LPP: variants seen among roughly 807,000 people sequenced by gnomAD.
LPP encodes the protein lipoma-preferred partner.
LPP carries 38 observed loss-of-function variants against 60.4 expected under a neutral mutation model. The observed-to-expected ratio is 0.63, with a 90% CI of 0.49 to 0.83. The LOEUF is 0.83. Among genes scored for constraint, LPP ranks in the 40% least tolerant of loss-of-function variants. LPP has a pLI of 0.00. For synonymous variants in LPP, 328 were observed against 290.8 expected (o/e 1.13, Z -1.30); for missense variants, 902 against 783.6 (o/e 1.15, Z -1.80).
At chr3:188,175,607 GA>G (rs1402938517) in intron 1 of LPP, among the ~76,000 whole-genome samples, 1 of 152,140 alleles carries the variant, frequency 6.6e-6, no homozygotes, top group Non-Finnish European at 1.5e-5. Context: ...TAAGGACCAA[GA>G]AAGAAAAGGT....
At chr3:188,165,277 AG>A (rs974092540) in intron 1 of LPP, among the ~76,000 whole-genome samples, 3 of 151,354 alleles carry the variant, frequency 2.0e-5, no homozygotes, top group Admixed American at 1.3e-4. Context: ...TCTGTCTGTC[AG>A]GAAAAAAAAA....
intron 5 of LPP, 136 bp downstream of exon 5, chr3:188,484,840 T>G (rs986985929): frequency 4.8e-6 from 3 of 630,614 alleles, no homozygotes; most frequent in Admixed American, 2.8e-5. Flanking sequence ...ATTGAGAGCT[T>G]TACAACTTAT....
chr3:188,621,523 G>A (rs774515233), intron 7 of LPP, among the ~76,000 whole-genome samples: 6 of 152,084 alleles, frequency 3.9e-5, no homozygotes, highest in Non-Finnish European at 8.8e-5. Context: ...TGACTGCACA[G>A]TATTTCATAG....
At chr3:188,607,246 T>C (rs1460485164) in intron 6 of LPP, among the ~76,000 whole-genome samples, 1 of 150,928 alleles carries the variant, frequency 6.6e-6, no homozygotes, top group Non-Finnish European at 1.5e-5. Flanking sequence ...AGGAAATACC[T>C]CACTATTAGA....
intron 4 of LPP, among the ~76,000 whole-genome samples, chr3:188,451,006 G>A (rs924536100): frequency 1.5e-4 from 23 of 152,058 alleles, no homozygotes; most frequent in African/African-American, 4.1e-4. Flanking sequence ...CTTGATCATA[G>A]TGCATTTTAA....
chr3:188,772,158 C>T (rs1736239640), intron 9 of LPP, among the ~76,000 whole-genome samples: 1 of 152,154 alleles, frequency 6.6e-6, no homozygotes, highest in Non-Finnish European at 1.5e-5. Context: ...TCTTATCTCC[C>T]ATCAGCTCTC....
rs1853517090 is a variant in LPP at position 188,657,319 on chromosome 3, G to GTTTCAC, written c.1113+47479_1113+47484dup. Among the ~76,000 whole-genome samples, 3 of 130,920 alleles carry GTTTCAC rather than the reference G, an allele frequency of 2.3e-5. No homozygotes were observed. The South Asian group carries it at 7.7e-4, about 34-fold the overall frequency. The allele number at this position is 130,920 out of a possible 152,430, so 85.9% of individuals were successfully genotyped here. A position where few individuals can be genotyped will look rare whatever the true frequency, so the allele number is the denominator to read the frequency against. ...ATAGTATAGTACATTTACTACAGTT[G>GTTTCAC]TTTCACTTTGATATGGATAAAAAAT... On this transcript the variant is annotated intron_variant, in intron 7 of 11. Transcript: ENST00000617246.
At chr3:188,423,253 T>C (rs566993394) in intron 4 of LPP, among the ~76,000 whole-genome samples, 1 of 152,268 alleles carries the variant, frequency 6.6e-6, no homozygotes, top group Admixed American at 6.5e-5. Context: ...TCCAGCTTCA[T>C]CCATGTCCCT....
At chr3:188,706,105 AGCT>A in intron 7 of LPP, among the ~76,000 whole-genome samples, 1 of 152,362 alleles carries the variant, frequency 6.6e-6, no homozygotes, top group Non-Finnish European at 1.5e-5. Flanking sequence ...ATAATTCAGT[AGCT>A]TCTCTAATCC....
chr3:188,815,242 A>G (rs935213358), intron 9 of LPP, among the ~76,000 whole-genome samples: 4 of 152,188 alleles, frequency 2.6e-5, no homozygotes, highest in African/African-American at 7.2e-5. Flanking sequence ...CCACCTCCTT[A>G]TATTGAAGCC....
At chr3:188,491,288 G>A (rs1193073642) in intron 5 of LPP, among the ~76,000 whole-genome samples, 1 of 152,230 alleles carries the variant, frequency 6.6e-6, no homozygotes, top group Non-Finnish European at 1.5e-5. Context: ...GGAGGAGGCT[G>A]GGTATGAAAA....
intron 2 of LPP, among the ~76,000 whole-genome samples, chr3:188,328,260 TTTGA>T (rs1578131389): frequency 2.0e-5 from 3 of 152,294 alleles, no homozygotes; most frequent in Middle Eastern, 3.4e-3. Context: ...AAATTTTCAC[TTTGA>T]TTGAGTCTCC....
intron 2 of LPP, among the ~76,000 whole-genome samples, chr3:188,303,106 T>C (rs186485863): frequency 3.9e-5 from 6 of 152,340 alleles, no homozygotes; most frequent in Admixed American, 6.5e-5. Context: ...TGGTCAACTT[T>C]TTCTGTAAAG....
chr3:188,724,239 C>G (rs757139293), intron 8 of LPP, among the ~76,000 whole-genome samples: 1 of 152,088 alleles, frequency 6.6e-6, no homozygotes, highest in Non-Finnish European at 1.5e-5. Flanking sequence ...ATTAGAGTTG[C>G]AATTTGAACA....
chr3:188,542,061 C>A lies in LPP; in HGVS notation c.429+17274C>A, dbSNP rs539942013. ...TTGTGGTGAGAAAACTTAAAATCTC[C>A]CAACAAATTTATAATACACTTGCAT... On this transcript the variant is annotated intron_variant, in intron 6 of 11. Coordinates refer to ENST00000617246, the MANE Select transcript of LPP (RefSeq NM_001375462.1). Among the ~76,000 whole-genome samples the A allele has an allele frequency of 7.9e-5, 12 of 152,190 alleles. 1 individual carries two copies. The South Asian group carries it at 2.5e-3, about 32-fold the overall frequency.
chr3:188,471,360 A>G (rs1024596749), intron 4 of LPP, among the ~76,000 whole-genome samples: 1 of 152,210 alleles, frequency 6.6e-6, no homozygotes, highest in Admixed American at 6.5e-5. Context: ...AACCTGGGTC[A>G]GGAAGAATGT....
At chr3:188,383,751 A>C (rs1180345368) in intron 3 of LPP, among the ~76,000 whole-genome samples, 1 of 152,110 alleles carries the variant, frequency 6.6e-6, no homozygotes, top group Non-Finnish European at 1.5e-5. Context: ...TCTTTCACTT[A>C]ACATTATTTT....
At chr3:188,155,672 G>T (rs901795445) in intron 1 of LPP, among the ~76,000 whole-genome samples, 1 of 152,182 alleles carries the variant, frequency 6.6e-6, no homozygotes, top group African/African-American at 2.4e-5. Flanking sequence ...TTCGTCACCA[G>T]TTTTTCTGCT....
chr3:188,834,324 G>GTTTTTTTTTTTTTTTTTTTTTTT (rs71867135), intron 9 of LPP, among the ~76,000 whole-genome samples: 30 of 34,090 alleles, frequency 8.8e-4, no homozygotes, highest in East Asian at 3.8e-3. Flanking sequence ...CTTTTTGGGT[G>GTTTTTTTTTTTTTTTTTTTTTTT]TTTTTTTTTT....
Sources: gnomAD v4.1 joint callset for allele counts (sites outside exome capture counted in the v4.1 genomes callset) on GRCh38, gnomAD v4.1.1 for gene constraint, MANE v1.5 for transcripts, NCBI Gene and HGNC (gene_info 2026-07-23, HGNC 2026-07-21) for gene names.